The following DDX1 variants were observed in gnomAD, a reference collection of about 807,000 sequenced individuals.
DDX1 encodes the protein ATP-dependent RNA helicase DDX1.
Under a neutral mutation model 108.7 loss-of-function variants are expected in DDX1, and 28 were observed. The observed-to-expected ratio is 0.26, with a 90% CI of 0.19 to 0.35. The LOEUF (loss-of-function observed/expected upper bound fraction) is 0.35, where lower values mean the gene tolerates loss of function less well. Ranked by LOEUF, DDX1 falls within the 10% of genes least tolerant of loss-of-function variation. The probability of loss-of-function intolerance (pLI) is 1.00; values close to 1 mark genes in which losing one functional copy is unlikely to be tolerated. For missense variants in DDX1, 710 were observed against 884.5 expected (o/e 0.80, Z 2.50); for synonymous variants, 295 against 288.9 (o/e 1.02, Z -0.21).
intron 5 of DDX1, among the ~76,000 whole-genome samples, chr2:15,599,358 G>A (rs775382763): frequency 3.0e-4 from 45 of 151,556 alleles, no homozygotes; most frequent in Middle Eastern, 6.8e-3. Context: ...CCAGGCTGGA[G>A]TGCAGTGGCT....
At chr2:15,621,180 T>G in intron 18 of DDX1, 64 bp downstream of exon 18, 1 of 1,147,672 alleles carries the variant, frequency 8.7e-7, no homozygotes, top group South Asian at 1.3e-5. Context: ...TTACCTATTC[T>G]CATGAAGGAT....
intron 16 of DDX1, among the ~76,000 whole-genome samples, chr2:15,619,085 T>G (rs984491994): frequency 3.3e-5 from 5 of 152,224 alleles, no homozygotes; most frequent in African/African-American, 1.2e-4. Flanking sequence ...CCTGGGATGG[T>G]GGAGCTCCTG....
rs1666168523 is a variant in DDX1 at position 15,630,079 on chromosome 2, A to C, written c.2061A>C (p.Lys687Asn). 2 of 1,613,616 alleles carry C rather than the reference A, an allele frequency of 1.2e-6. No individual in the cohort carries two copies. Among genetic ancestry groups the C allele is most frequent in the Non-Finnish European group, 1.7e-6 (2 of 1,179,810 alleles). Residue 687 changes from lysine to asparagine, a missense_variant, in exon 25 of 26, where the codon AAA becomes AAC. Around this residue, in one of 3 missense-constraint regions of DDX1, gnomAD observed 661 missense variants for 810.2 expected, o/e 0.82. Coordinates refer to ENST00000233084, the MANE Select transcript of DDX1 (RefSeq NM_004939.3). ...IKVPVDEFDGKVTYGQKRAAG... is the reference protein window; with the variant it reads ...IKVPVDEFDGNVTYGQKRAAG... The stretch of plus-strand genomic sequence containing the variant: ...TACCAGTGGATGAATTTGATGGGAA[A>C]GTTACCTACGGTCAGAAAAGGGCTG...
chr2:15,605,669 A>C (rs563665787), intron 10 of DDX1, among the ~76,000 whole-genome samples: 2 of 152,176 alleles, frequency 1.3e-5, no homozygotes, highest in African/African-American at 4.8e-5. Flanking sequence ...AGTTCAAGGG[A>C]GGTTTTCTTG....
In DDX1 at chr2:15,613,182, A is replaced by G. The variant is rs1665829902; in HGVS notation, c.957-42A>G. 6.4e-6 allele frequency: 8 copies of G among 1,255,878 alleles called. No homozygotes were observed. In the African/African-American group the frequency reaches 7.1e-5, roughly 11 times the overall value. 77.8% of individuals were successfully genotyped at this position (1,255,878 alleles called of 1,614,324 possible). A position where few individuals can be genotyped will look rare whatever the true frequency, so the allele number is the denominator to read the frequency against. ...GATCAAACAATGTAAAGCAGACTTT[A>G]ATTTTTTTTTTTTTATATTATCATC... is the stretch of plus-strand genomic sequence containing the variant. On this transcript the variant is annotated intron_variant, in intron 13 of 25. Coordinates refer to ENST00000233084, the MANE Select transcript of DDX1 (RefSeq NM_004939.3).
intron 20 of DDX1, among the ~76,000 whole-genome samples, chr2:15,627,854 AC>A (rs772452048): frequency 3.5e-4 from 53 of 152,262 alleles, no homozygotes; most frequent in Non-Finnish European, 3.1e-4. Context: ...AATGTGTGCT[AC>A]CCTTCTCAAC....
intron 14 of DDX1, among the ~76,000 whole-genome samples, chr2:15,616,059 A>ATT (rs973772418): frequency 1.2e-5 from 1 of 86,774 alleles, no homozygotes; most frequent in Non-Finnish European, 2.1e-5. Flanking sequence ...TGCCCGGCTA[A>ATT]TTTTGTGTGT....
chr2:15,600,740 C>CTTTTTTTTTTTTT (rs1157559293), intron 6 of DDX1, among the ~76,000 whole-genome samples: 5 of 73,540 alleles, frequency 6.8e-5, no homozygotes, highest in Non-Finnish European at 9.4e-5. Flanking sequence ...TTTGCATTTT[C>CTTTTTTTTTTTTT]TTTTTTTTTT....
chr2:15,595,361 A>G (rs1002456935), intron 2 of DDX1, 129 bp from the exon 3 acceptor site: 1 of 901,996 alleles, frequency 1.1e-6, no homozygotes, highest in Non-Finnish European at 1.7e-6. Context: ...ACCTTGACAT[A>G]TTTCTAGTGG....
intron 12 of DDX1, among the ~76,000 whole-genome samples, chr2:15,606,525 G>A (rs1248976531): frequency 6.6e-6 from 1 of 152,182 alleles, no homozygotes; most frequent in Non-Finnish European, 1.5e-5. Flanking sequence ...CTTATTCAGT[G>A]CCAGGGCACC....
Position 15,617,982 on chromosome 2 carries a change from G to A in DDX1, c.1117-199G>A, listed in dbSNP as rs3770465. On this transcript the variant is annotated intron_variant, in intron 15 of 25. Transcript: ENST00000233084. ...CTTATTGTCACTTTTTCATATTTTAGTCACAAGAAACTTAAAATTGAATTT... is the reference window on the plus strand; with the variant it reads ...CTTATTGTCACTTTTTCATATTTTAATCACAAGAAACTTAAAATTGAATTT... 0.017 allele frequency among the ~76,000 whole-genome samples: 2,534 copies of A among 152,150 alleles called. 118 individuals are homozygous for A. The East Asian group carries it at 0.22, about 13-fold the overall frequency.
chr2:15,596,506 C>T (rs796952797), intron 3 of DDX1, among the ~76,000 whole-genome samples: 6 of 152,070 alleles, frequency 3.9e-5, no homozygotes, highest in African/African-American at 1.4e-4. Context: ...TGAGAGCTTC[C>T]GTTTGAATGG....
intron 13 of DDX1, among the ~76,000 whole-genome samples, chr2:15,609,117 C>T (rs1665715271): frequency 6.6e-6 from 1 of 152,222 alleles, no homozygotes; most frequent in Admixed American, 6.5e-5. Flanking sequence ...TTGAGCATAC[C>T]ATGTAACCAG....
At chr2:15,608,853 T>C (rs1217484332) in intron 13 of DDX1, among the ~76,000 whole-genome samples, 3 of 152,106 alleles carry the variant, frequency 2.0e-5, no homozygotes, top group Non-Finnish European at 2.9e-5. Flanking sequence ...AGGCCTGTCT[T>C]TTTAATATTG....
At position 15,620,312 on chromosome 2, in the gene DDX1, T is replaced by C. The variant is rs1385975639; in HGVS notation, c.1311T>C (p.Val437=). The C allele has an allele frequency of 5.0e-6, 8 of 1,613,932 alleles. No individual in the cohort carries two copies. Among genetic ancestry groups the C allele is most frequent in the Non-Finnish European group, 6.8e-6 (8 of 1,179,938 alleles). ...TWVDLKGEDS[V]PDTVHHVVVP... is the part of the protein sequence containing the mutation. ...TTGACTTAAAAGGAGAAGACTCTGT[T>C]CCAGATACTGTACACCATGTTGTTG... The change falls in exon 17 of 26, where the codon GTT becomes GTC. Residue 437 remains valine, a synonymous_variant. Coordinates refer to ENST00000233084, the MANE Select transcript of DDX1 (RefSeq NM_004939.3).
At chr2:15,606,298 T>C in intron 12 of DDX1, 34 bp downstream of exon 12, 1 of 1,463,868 alleles carries the variant, frequency 6.8e-7, no homozygotes. Context: ...ATTTCTAGAA[T>C]AGTGAGAATA....
chr2:15,626,934 T>TG lies in DDX1; in HGVS notation c.1595-116dup, dbSNP rs934112088. ...GTGTTAACCATGGTTTATAGCAAGTTGGGGCATAGATTTTTATGGAATTGT... is the reference window on the plus strand; with the variant it reads ...GTGTTAACCATGGTTTATAGCAAGTTGGGGGCATAGATTTTTATGGAATTGT... On this transcript the variant is annotated intron_variant, in intron 19 of 25. Transcript: ENST00000233084. 37 of 593,384 alleles carry TG rather than the reference T, an allele frequency of 6.2e-5. 1 individual carries two copies. The African/African-American group carries it at 6.5e-4, about 10-fold the overall frequency. 36.8% of individuals were successfully genotyped at this position (593,384 alleles called of 1,614,324 possible).
chr2:15,593,566 GAT>G (rs1424459824), intron 1 of DDX1, among the ~76,000 whole-genome samples: 1 of 152,166 alleles, frequency 6.6e-6, no homozygotes, highest in East Asian at 1.9e-4. Context: ...TACTGAAAAT[GAT>G]ATGTTGTTTC....
At chr2:15,602,891 T>C (rs189254649) in intron 7 of DDX1, among the ~76,000 whole-genome samples, 149 of 152,160 alleles carry the variant, frequency 9.8e-4, no homozygotes, top group Admixed American at 2.2e-3. Context: ...TTTTTGTACT[T>C]TTAGTAGAGA....
Sources: allele counts gnomAD v4.1 joint callset (sites outside exome capture counted in the v4.1 genomes callset), GRCh38; gene constraint gnomAD v4.1.1; regional missense constraint gnomAD v4.1.1; transcripts MANE v1.5; gene names NCBI Gene and HGNC (gene_info 2026-07-23, HGNC 2026-07-21).